CEP63: variants seen among roughly 807,000 people sequenced by gnomAD.
CEP63 encodes the protein centrosomal protein 63.
CEP63 carries 84 observed loss-of-function variants against 89.1 expected under a neutral mutation model. The ratio of observed to expected loss-of-function variants is 0.94; its 90% CI spans 0.79 to 1.13. The LOEUF is 1.13. Ranked by LOEUF, CEP63 falls within the 50% of genes most tolerant of loss-of-function variation. CEP63 has a pLI of 0.00. For synonymous variants in CEP63, 267 were observed against 272.5 expected (o/e 0.98, Z 0.20); for missense variants, 838 against 813.3 (o/e 1.03, Z -0.37).
the CEP63 span, among the ~76,000 whole-genome samples, chr3:134,698,369 T>C: frequency 6.6e-6 from 1 of 152,222 alleles, no homozygotes; most frequent in African/African-American, 2.4e-5. Flanking sequence ...AAATGGGATC[T>C]TTCATCAGAT....
the CEP63 span, among the ~76,000 whole-genome samples, chr3:134,670,509 C>A: frequency 6.6e-6 from 1 of 152,146 alleles, no homozygotes; most frequent in Non-Finnish European, 1.5e-5. Context: ...TGGAGTCAGC[C>A]AGCCATGGAA....
At chr3:134,698,093 C>T in the CEP63 span, among the ~76,000 whole-genome samples, 1 of 152,218 alleles carries the variant, frequency 6.6e-6, no homozygotes, top group Admixed American at 6.5e-5. Flanking sequence ...GGCAGATACC[C>T]CGCCAACCTG....
chr3:134,552,426 C>G (rs1217106832), intron 12 of CEP63: 4 of 153,850 alleles, frequency 2.6e-5, no homozygotes, highest in African/African-American at 9.6e-5. Flanking sequence ...TGGTCTCGAA[C>G]TCCCAATCTC....
At chr3:134,569,534 G>A (rs890105585), downstream of CEP63, among the ~76,000 whole-genome samples, 1 of 152,322 alleles carries the variant, frequency 6.6e-6, no homozygotes, top group African/African-American at 2.4e-5. Flanking sequence ...TCACATCCAG[G>A]TCACGCTGAT....
the CEP63 span, among the ~76,000 whole-genome samples, chr3:134,640,901 G>T: frequency 6.6e-6 from 1 of 152,220 alleles, no homozygotes; most frequent in Non-Finnish European, 1.5e-5. Context: ...TATTCTCTAC[G>T]CATTGGATGT....
At chr3:134,711,200 A>G in the CEP63 span, among the ~76,000 whole-genome samples, 152,339 of 152,376 alleles carry the variant, frequency 1, 76,151 homozygotes, top group Middle Eastern at 1. Context: ...ACTGTTCTAC[A>G]GTTACATTTC....
At chr3:134,627,682 C>G in the CEP63 span, 1 of 1,367,860 alleles carries the variant, frequency 7.3e-7, no homozygotes, top group African/African-American at 1.4e-5. Context: ...AAGCAACTGT[C>G]AATTGGAGAT....
At chr3:134,603,974 C>T in the CEP63 span, 1 of 1,613,918 alleles carries the variant, frequency 6.2e-7, no homozygotes. Flanking sequence ...GCAAACTTGC[C>T]TGCATGGGGC....
the CEP63 span, among the ~76,000 whole-genome samples, chr3:134,662,258 C>G: frequency 1.5e-4 from 21 of 144,802 alleles, 1 homozygote; most frequent in Middle Eastern, 0.011. Context: ...GCCTGGGAGA[C>G]AGAGTGAGAC....
At chr3:134,678,929 T>C in the CEP63 span, among the ~76,000 whole-genome samples, 3 of 152,160 alleles carry the variant, frequency 2.0e-5, no homozygotes, top group Non-Finnish European at 4.4e-5. Flanking sequence ...CATATGACAT[T>C]CATTGTAACA....
chr3:134,537,713 G>T (rs1951048815), intron 6 of CEP63, among the ~76,000 whole-genome samples: 1 of 151,866 alleles, frequency 6.6e-6, no homozygotes, highest in South Asian at 2.1e-4. Flanking sequence ...TCTCTTGTTG[G>T]GTCTCTCAGC....
the CEP63 span, among the ~76,000 whole-genome samples, chr3:134,622,218 A>T: frequency 2.6e-5 from 4 of 151,966 alleles, no homozygotes; most frequent in African/African-American, 4.8e-5. Flanking sequence ...AAGGTACGCA[A>T]CCAAAAAAAC....
At chr3:134,567,032 G>T (rs1218474464), downstream of CEP63, among the ~76,000 whole-genome samples, 5 of 151,842 alleles carry the variant, frequency 3.3e-5, no homozygotes, top group African/African-American at 1.2e-4. Flanking sequence ...CATCATTGAT[G>T]AATGAATAAA....
At chr3:134,775,411 T>A in the CEP63 span, among the ~76,000 whole-genome samples, 9 of 152,296 alleles carry the variant, frequency 5.9e-5, no homozygotes, top group African/African-American at 2.2e-4. Flanking sequence ...TTGGAATCCC[T>A]ACTTCAGTTA....
the CEP63 span, among the ~76,000 whole-genome samples, chr3:134,617,973 C>T: frequency 2.6e-5 from 4 of 152,102 alleles, no homozygotes; most frequent in Non-Finnish European, 4.4e-5. Context: ...CTGGAGAGGC[C>T]TGCAGGCAGC....
chr3:134,640,453 G>A, the CEP63 span, among the ~76,000 whole-genome samples: 2 of 152,162 alleles, frequency 1.3e-5, no homozygotes, highest in Non-Finnish European at 2.9e-5. Context: ...GAGATTAAAT[G>A]AGGTGAGCCG....
the CEP63 span, among the ~76,000 whole-genome samples, chr3:134,670,666 A>G: frequency 2.0e-5 from 3 of 152,382 alleles, no homozygotes; most frequent in South Asian, 6.2e-4. Context: ...TTGGAGAGCT[A>G]TTTGGCAACA....
intron 6 of CEP63, among the ~76,000 whole-genome samples, chr3:134,542,205 A>G (rs1368851703): frequency 1.3e-5 from 2 of 152,206 alleles, no homozygotes; most frequent in African/African-American, 4.8e-5. Context: ...TTAATTTTAA[A>G]TCCACTGTTA....
At chr3:134,760,053 A>ACTTT in the CEP63 span, among the ~76,000 whole-genome samples, 1 of 135,916 alleles carries the variant, frequency 7.4e-6, no homozygotes, top group Non-Finnish European at 1.6e-5. Context: ...ATACCAGAGC[A>ACTTT]CTTTCTTTTT....
Sources: gnomAD v4.1 joint callset for allele counts (sites outside exome capture counted in the v4.1 genomes callset) on GRCh38, gnomAD v4.1.1 for gene constraint, MANE v1.5 for transcripts, NCBI Gene and HGNC (gene_info 2026-07-23, HGNC 2026-07-21) for gene names.